Variants in THAP3 observed in about 807,000 individuals in gnomAD.
THAP3 encodes THAP domain-containing protein 3.
In THAP3, 12 loss-of-function variants were observed where a neutral mutation model predicts 17.7. The observed-to-expected ratio is 0.68, with a 90% CI of 0.43 to 1.10. The LOEUF is 1.10. Among genes scored for constraint, THAP3 ranks in the 50% least tolerant of loss-of-function variants. The probability of loss-of-function intolerance (pLI) is 0.00; values close to 1 mark genes in which losing one functional copy is unlikely to be tolerated. For synonymous variants in THAP3, 133 were observed against 126.9 expected (o/e 1.05, Z -0.32); for missense variants, 289 against 318.0 (o/e 0.91, Z 0.69).
chr1:6,634,285 C>A, downstream of THAP3: 1 of 883,612 alleles, frequency 1.1e-6, no homozygotes, highest in Non-Finnish European at 1.7e-6. Flanking sequence ...AAGCCCGGGG[C>A]CCAGGCTCAT....
At chr1:6,633,666 TGA>T (rs2148723344), downstream of THAP3, 1 of 887,994 alleles carries the variant, frequency 1.1e-6, no homozygotes, top group Non-Finnish European at 1.4e-6. Flanking sequence ...CCCAGCACTT[TGA>T]GAGGCCGAGG....
At chr1:6,634,952 G>A (rs908434531), downstream of THAP3, 17 of 1,046,720 alleles carry the variant, frequency 1.6e-5, no homozygotes, top group Non-Finnish European at 2.0e-5. Flanking sequence ...CAAGCCCGCT[G>A]GTGGCAGGGC....
chr1:6,625,239 C>G lies in THAP3; in HGVS notation c.21C>G (p.Ala7=), dbSNP rs1284330265. The part of the protein sequence containing the change: MPKSCA[A]RQCCNRYSSR... ...TCGAGATGCCGAAGTCGTGCGCGGC[C>G]CGGCAGTGCTGCAACCGCTACAGCA... is the stretch of plus-strand genomic sequence containing the variant. Residue 7 remains alanine, a synonymous_variant, in exon 2 of 6, where the codon GCC becomes GCG. Transcript: ENST00000054650. The G allele has an allele frequency of 1.9e-6, 3 of 1,545,220 alleles. No homozygotes were observed. The highest frequency in any genetic ancestry group is 1.4e-5 in the African/African-American group (1 of 71,828).
In THAP3 at chr1:6,632,785, C is replaced by G. The variant is rs746712435; in HGVS notation, c.439-11C>G. On this transcript the variant is annotated splice_polypyrimidine_tract_variant and intron_variant, in intron 5 of 5. Transcript: ENST00000054650. The stretch of plus-strand genomic sequence containing the variant: ...TGATGCAGCTCTAGGCTCTCACTCC[C>G]CTGTCCTCAGGTCTCGCCACGGAGG... 39 of 1,612,790 alleles carry G rather than the reference C, an allele frequency of 2.4e-5. No individual in the cohort carries two copies. The highest frequency in any genetic ancestry group is 3.1e-5 in the Non-Finnish European group (36 of 1,179,842).
At chr1:6,625,949 C>G (rs930837740) in intron 2 of THAP3, among the ~76,000 whole-genome samples, 13 of 152,154 alleles carry the variant, frequency 8.5e-5, no homozygotes, top group Non-Finnish European at 1.8e-4. Context: ...AATGTACATG[C>G]AGAAAAATGC....
chr1:6,628,487 C>G lies in THAP3; in HGVS notation c.75-12C>G. 2 of 1,603,554 alleles carry G rather than the reference C, an allele frequency of 1.2e-6. No homozygotes were observed. Among genetic ancestry groups the G allele is most frequent in the Non-Finnish European group, 1.7e-6 (2 of 1,175,458 alleles). ...CCTTGCTGGGCCTCACACCCCGTGC[C>G]TCTGCCCTTAGGTTTCCGTTCAGCC... is the stretch of plus-strand genomic sequence containing the variant. On this transcript the variant is annotated splice_polypyrimidine_tract_variant and intron_variant, in intron 2 of 5. Coordinates refer to ENST00000054650, the MANE Select transcript of THAP3 (RefSeq NM_001195753.2).
chr1:6,629,939 T>TG (rs1641563524), intron 3 of THAP3, among the ~76,000 whole-genome samples: 1 of 152,212 alleles, frequency 6.6e-6, no homozygotes, highest in African/African-American at 2.4e-5. Flanking sequence ...CTGCAGGTTC[T>TG]GGGTCAGTGG....
rs917501688 is a variant in THAP3 at position 6,625,142 on chromosome 1, C to G, written c.-69-8C>G. 7.0e-7 allele frequency: 1 copy of G among 1,418,764 alleles called. No individual in the cohort carries two copies. The highest frequency in any genetic ancestry group is 9.5e-7 in the Non-Finnish European group (1 of 1,053,018). 87.9% of individuals were successfully genotyped at this position (1,418,764 alleles called of 1,614,324 possible). A position where few individuals can be genotyped will look rare whatever the true frequency, so the allele number is the denominator to read the frequency against. The stretch of plus-strand genomic sequence containing the variant: ...ACCACCTCCCAGCGGCCCCGCCCCT[C>G]CCCGCAGGTCCCTCCCCTCTCCGCA... On this transcript the variant is annotated splice_region_variant and splice_polypyrimidine_tract_variant and intron_variant, in intron 1 of 5. Transcript: ENST00000054650.
chr1:6,632,921 G>C lies in THAP3; in HGVS notation c.564G>C (p.Leu188=), dbSNP rs1266338124. The part of the protein sequence containing the change: ...HSYALLDLDS[L]KKKLFLTLKE... ...ATGCCCTTTTGGACTTAGATTCCCTGAAGAAAAAACTCTTCCTCACTCTGA... is the reference window on the plus strand; with the variant it reads ...ATGCCCTTTTGGACTTAGATTCCCTCAAGAAAAAACTCTTCCTCACTCTGA... The change falls in exon 6 of 6, where the codon CTG becomes CTC. Residue 188 remains leucine, a synonymous_variant. Transcript: ENST00000054650. 2 of 1,612,936 alleles carry C rather than the reference G, an allele frequency of 1.2e-6. No homozygotes were observed. The highest frequency in any genetic ancestry group is 1.1e-5 in the South Asian group (1 of 91,090).
chr1:6,630,629 C>T (rs866758830), intron 4 of THAP3, among the ~76,000 whole-genome samples: 5 of 152,246 alleles, frequency 3.3e-5, no homozygotes, highest in Non-Finnish European at 7.4e-5. Context: ...GTCTGGAGTG[C>T]AGTGGCATGA....
chr1:6,630,400 G>A (rs775189407), intron 4 of THAP3, 47 bp downstream of exon 4: 9 of 1,592,366 alleles, frequency 5.7e-6, no homozygotes, highest in Non-Finnish European at 6.0e-6. Context: ...TATGCTGTGG[G>A]TTGAGACAGG....
At chr1:6,628,956 C>T (rs540159906) in intron 3 of THAP3, among the ~76,000 whole-genome samples, 4 of 152,206 alleles carry the variant, frequency 2.6e-5, no homozygotes, top group Non-Finnish European at 5.9e-5. Context: ...AATCCCAGCA[C>T]TTTGGGAGGC....
At chr1:6,627,993 A>C in intron 2 of THAP3, 1 of 157,880 alleles carries the variant, frequency 6.3e-6, no homozygotes, top group African/African-American at 2.4e-5. Flanking sequence ...GTCCCTTCTG[A>C]AGCCTGCGTC....
chr1:6,631,506 C>T (rs939127132), intron 4 of THAP3, among the ~76,000 whole-genome samples: 3 of 151,956 alleles, frequency 2.0e-5, no homozygotes, highest in Non-Finnish European at 2.9e-5. Context: ...CAGTGGCTTG[C>T]GTCTGTATTC....
At chr1:6,634,356 T>C (rs1256502903), downstream of THAP3, 2 of 1,097,182 alleles carry the variant, frequency 1.8e-6, no homozygotes, top group Non-Finnish European at 1.2e-6. Flanking sequence ...TTTTAAAAAA[T>C]GGAGATGAAT....
At chr1:6,631,123 G>A (rs1176651686) in intron 4 of THAP3, among the ~76,000 whole-genome samples, 2 of 151,882 alleles carry the variant, frequency 1.3e-5, no homozygotes, top group Non-Finnish European at 2.9e-5. Flanking sequence ...TCCCACCTGA[G>A]CCTCCCAAGT....
chr1:6,627,723 C>T (rs1219802343), intron 2 of THAP3: 1 of 152,298 alleles, frequency 6.6e-6, no homozygotes, highest in Non-Finnish European at 1.5e-5. Flanking sequence ...ATTTTATCTC[C>T]AACATGAAAC....
downstream of THAP3, chr1:6,635,489 C>G: frequency 1.6e-6 from 1 of 640,302 alleles, no homozygotes. Flanking sequence ...CTGCCTCAGT[C>G]CTACCCCCAG....
chr1:6,627,895 A>T (rs1641505999), intron 2 of THAP3: 1 of 151,870 alleles, frequency 6.6e-6, no homozygotes, highest in African/African-American at 2.4e-5. Context: ...GCCTCCAGGG[A>T]CTCCCCAGCT....
Sources: gnomAD v4.1 joint callset for allele counts (sites outside exome capture counted in the v4.1 genomes callset) on GRCh38, gnomAD v4.1.1 for gene constraint, MANE v1.5 for transcripts, NCBI Gene and HGNC (gene_info 2026-07-23, HGNC 2026-07-21) for gene names.